SOS1: variants seen among roughly 807,000 people sequenced by gnomAD.
The protein encoded by SOS1 is son of sevenless homolog 1.
Under a neutral mutation model 157.6 loss-of-function variants are expected in SOS1, and 25 were observed. The ratio of observed to expected loss-of-function variants is 0.16; its 90% CI spans 0.12 to 0.22. SOS1 has a LOEUF of 0.22. Ranked by LOEUF, SOS1 falls within the 10% of genes least tolerant of loss-of-function variation. SOS1 has a pLI of 1.00. For synonymous variants in SOS1, 528 were observed against 534.0 expected, an observed-to-expected ratio of 0.99 and a Z score of 0.16; for missense variants, 1,237 against 1,599.1, an observed-to-expected ratio of 0.77 and a Z score of 3.86.
At chr2:39,019,895 A>C (rs562642009) in intron 10 of SOS1, among the ~76,000 whole-genome samples, 2 of 151,576 alleles carry the variant, frequency 1.3e-5, no homozygotes, top group African/African-American at 4.8e-5. Context: ...GAAATGAACA[A>C]GCCATTTATA....
chr2:39,002,449 TAGTG>T lies in SOS1; in HGVS notation c.2791+3959_2791+3962del, dbSNP rs374756005. On this transcript the variant is annotated intron_variant, in intron 17 of 22. Coordinates refer to ENST00000402219, the MANE Select transcript of SOS1 (RefSeq NM_005633.4). ...GGATGTTACAGGAGCAGGGGCCAAA[TAGTG>T]AGTCAGTGAATGGGTCCTGAGGTTT... is the stretch of plus-strand genomic sequence containing the variant. Among the ~76,000 whole-genome samples the T allele has an allele frequency of 1.8e-4, 27 of 152,170 alleles. No individual in the cohort carries two copies. In the East Asian group the frequency reaches 5.0e-3, roughly 28 times the overall value.
At chr2:39,114,329 G>C (rs1417979801) in intron 1 of SOS1, among the ~76,000 whole-genome samples, 1 of 148,978 alleles carries the variant, frequency 6.7e-6, no homozygotes, top group Non-Finnish European at 1.5e-5. Flanking sequence ...CTGAGATGGA[G>C]TTTCACTCTT....
In SOS1 at chr2:39,120,979, G is replaced by GGCCGCC. The variant is rs1246824944; in HGVS notation, c.-563_-558dup. 216 of 176,396 alleles carry GGCCGCC rather than the reference G, an allele frequency of 1.2e-3. 5 individuals are homozygous for GGCCGCC. Among genetic ancestry groups the GGCCGCC allele is most frequent in the Non-Finnish European group, 2.0e-3 (170 of 86,512 alleles). 10.9% of individuals were successfully genotyped at this position (176,396 alleles called of 1,614,324 possible). A position where few individuals can be genotyped will look rare whatever the true frequency, so the allele number is the denominator to read the frequency against. On this transcript the variant is annotated 5_prime_UTR_variant, in exon 1 of 23. Transcript: ENST00000402219. ...TCTGGCTGCCCTGAGGTGCCGCCGC[G>GGCCGCC]GCCGCCGCCGCCACCGCCGCCGCCG...
intron 1 of SOS1, among the ~76,000 whole-genome samples, chr2:39,111,700 T>C (rs1460017630): frequency 2.0e-5 from 3 of 151,954 alleles, no homozygotes; most frequent in Non-Finnish European, 4.4e-5. Context: ...CCTAATTGTC[T>C]TACCTGCTTC....
intron 1 of SOS1, among the ~76,000 whole-genome samples, chr2:39,095,136 G>T (rs1005403823): frequency 6.6e-6 from 1 of 152,158 alleles, no homozygotes; most frequent in African/African-American, 2.4e-5. Flanking sequence ...CAAACCAGCT[G>T]TTCAAATTTG....
At chr2:39,050,106 G>A (rs535632329) in intron 6 of SOS1, among the ~76,000 whole-genome samples, 4 of 152,216 alleles carry the variant, frequency 2.6e-5, no homozygotes, top group Admixed American at 2.6e-4. Context: ...GAATGGAAGG[G>A]CTGTGGTGAT....
intron 1 of SOS1, among the ~76,000 whole-genome samples, chr2:39,095,702 T>A (rs1368514307): frequency 6.6e-6 from 1 of 152,230 alleles, no homozygotes; most frequent in African/African-American, 2.4e-5. Flanking sequence ...ATTATTTCAG[T>A]TCCACATATT....
At chr2:39,033,250 C>A (rs1670231240) in intron 8 of SOS1, among the ~76,000 whole-genome samples, 1 of 146,510 alleles carries the variant, frequency 6.8e-6, no homozygotes, top group Non-Finnish European at 1.5e-5. Flanking sequence ...TGATGAGAGT[C>A]TTGTGGACTA....
upstream of SOS1, chr2:39,121,120 C>T (rs966050432): frequency 6.5e-6 from 1 of 153,992 alleles, no homozygotes; most frequent in Admixed American, 6.5e-5. Flanking sequence ...AGGAGGAAAG[C>T]TCGAGAGAGA....
intron 1 of SOS1, among the ~76,000 whole-genome samples, chr2:39,112,224 C>T (rs1364702773): frequency 6.6e-6 from 1 of 152,182 alleles, no homozygotes; most frequent in Non-Finnish European, 1.5e-5. Flanking sequence ...GTCTTCTCTC[C>T]CGGCTTACCT....
Position 39,023,137 on chromosome 2 carries a change from C to T in SOS1, c.1291G>A (p.Gly431Ser), listed in dbSNP as rs1223347034. The T allele has an allele frequency of 3.7e-6, 6 of 1,613,106 alleles. No individual in the cohort carries two copies. The highest frequency in any genetic ancestry group is 5.1e-6 in the Non-Finnish European group (6 of 1,179,360). The change falls in exon 10 of 23, where the codon GGT (glycine) becomes AGT (serine). Residue 431 changes from glycine (G) to serine (S), a missense_variant. Around this residue, in one of 15 missense-constraint regions of SOS1, gnomAD observed 210 missense variants for 220.2 expected, o/e 0.95. Transcript: ENST00000402219. ...TGTCCAATGTCTTTTCCCTCCCAAC[C>T]ATCAATATTCTTCTGAATCTCGTTC... is the stretch of plus-strand genomic sequence containing the variant. ...KMNEIQKNID[G>S]WEGKDIGQCC...
chr2:39,095,780 G>A (rs1572889116), intron 1 of SOS1, among the ~76,000 whole-genome samples: 1 of 152,198 alleles, frequency 6.6e-6, no homozygotes, highest in African/African-American at 2.4e-5. Context: ...TTTTAACAAT[G>A]AAGCAGGAAA....
In SOS1 at chr2:38,985,680, T is replaced by C. The variant is rs990898101; in HGVS notation, c.*144A>G. Reference sequence around the variant, plus strand: ...TTGTATAATTACATCTAGGTTAAAATTCATTGTCTTATACTGCATCTTGAA... The same window carrying C: ...TTGTATAATTACATCTAGGTTAAAACTCATTGTCTTATACTGCATCTTGAA... On this transcript the variant is annotated 3_prime_UTR_variant, in exon 23 of 23. Transcript: ENST00000402219. 9.3e-6 allele frequency: 9 copies of C among 967,242 alleles called. No homozygotes were observed. Among genetic ancestry groups the C allele is most frequent in the Admixed American group, 3.7e-5 (2 of 53,712 alleles). 59.9% of individuals were successfully genotyped at this position (967,242 alleles called of 1,614,324 possible).
In SOS1 at chr2:39,024,053, T is replaced by C; in HGVS notation, c.1159A>G (p.Met387Val). The C allele has an allele frequency of 6.2e-7, 1 of 1,602,528 alleles. No homozygotes were observed. The highest frequency in any genetic ancestry group is 8.5e-7 in the Non-Finnish European group (1 of 1,169,624). Residue 387 changes from methionine to valine, a missense_variant, in exon 9 of 23, where the codon ATG becomes GTG. This residue lies in a region of SOS1 where 101 missense variants were observed against 171.5 expected (regional missense o/e 0.59). Transcript: ENST00000402219. ...AGACTTTTAGAACATATTTTTTCCA[T>C]ACCACTCTGAACATTAAGCAAAGCT... ...ITALLNVQSG[M>V]EKICSKSLAK...
intron 8 of SOS1, among the ~76,000 whole-genome samples, chr2:39,033,303 T>C (rs926961667): frequency 6.6e-6 from 1 of 150,888 alleles, no homozygotes; most frequent in African/African-American, 2.4e-5. Context: ...AACTTTGCAA[T>C]ATAACTTAGG....
At chr2:39,110,960 G>A (rs1426266569) in intron 1 of SOS1, among the ~76,000 whole-genome samples, 17 of 152,324 alleles carry the variant, frequency 1.1e-4, no homozygotes, top group Non-Finnish European at 4.4e-5. Flanking sequence ...AATGGGCCAG[G>A]CATGGTGGCT....
At chr2:39,109,041 A>T (rs1367115283) in intron 1 of SOS1, among the ~76,000 whole-genome samples, 2 of 152,082 alleles carry the variant, frequency 1.3e-5, no homozygotes, top group African/African-American at 4.8e-5. Context: ...TCTACCAAAA[A>T]TACAAAAATT....
intron 1 of SOS1, among the ~76,000 whole-genome samples, chr2:39,116,453 C>A (rs1034227873): frequency 2.0e-5 from 3 of 152,222 alleles, no homozygotes; most frequent in Admixed American, 6.5e-5. Flanking sequence ...TATCTCTTGA[C>A]TGGACTATTA....
intron 10 of SOS1, among the ~76,000 whole-genome samples, chr2:39,019,764 A>G (rs1669737918): frequency 6.6e-6 from 1 of 151,674 alleles, no homozygotes; most frequent in Non-Finnish European, 1.5e-5. Flanking sequence ...AATGACCAGT[A>G]TCTATACATA....
Sources: gnomAD v4.1 joint callset for allele counts (sites outside exome capture counted in the v4.1 genomes callset) on GRCh38, gnomAD v4.1.1 for gene constraint, gnomAD v4.1.1 regional missense constraint, MANE v1.5 for transcripts, NCBI Gene and HGNC (gene_info 2026-07-23, HGNC 2026-07-21) for gene names.